Variants in UBE2E2 observed in about 807,000 individuals in gnomAD.
The protein encoded by UBE2E2 is ubiquitin-conjugating enzyme E2 E2.
In UBE2E2, 6 loss-of-function variants were observed where a neutral mutation model predicts 24.7. The ratio of observed to expected loss-of-function variants is 0.24; its 90% CI spans 0.13 to 0.48. The LOEUF (loss-of-function observed/expected upper bound fraction) is 0.48. Among genes scored for constraint, UBE2E2 ranks in the 20% least tolerant of loss-of-function variants. The pLI is 0.99. For synonymous variants in UBE2E2, 104 were observed against 83.6 expected (o/e 1.24, Z -1.33); for missense variants, 169 against 245.0 (o/e 0.69, Z 2.07).
At chr3:23,488,812 A>G (rs1045474091) in intron 3 of UBE2E2, among the ~76,000 whole-genome samples, 1 of 152,184 alleles carries the variant, frequency 6.6e-6, no homozygotes, top group Admixed American at 6.5e-5. Context: ...TTAATTTAAG[A>G]AATATTCTTT....
chr3:23,326,449 A>G (rs968555660), intron 3 of UBE2E2, among the ~76,000 whole-genome samples: 1 of 152,142 alleles, frequency 6.6e-6, no homozygotes, highest in Non-Finnish European at 1.5e-5. Flanking sequence ...TTTTTGAAAA[A>G]TTTCTGAGTT....
intron 3 of UBE2E2, among the ~76,000 whole-genome samples, chr3:23,289,719 A>T (rs142742618): frequency 7.9e-5 from 12 of 152,194 alleles, no homozygotes; most frequent in African/African-American, 2.9e-4. Flanking sequence ...TTTTAAATGC[A>T]TGCTATTTAG....
chr3:23,522,573 C>A (rs1335179807), intron 4 of UBE2E2, among the ~76,000 whole-genome samples: 1 of 152,024 alleles, frequency 6.6e-6, no homozygotes, highest in African/African-American at 2.4e-5. Context: ...TGAACCCCTC[C>A]ACTTTTTTTT....
At chr3:23,526,559 A>C (rs1215509629) in intron 4 of UBE2E2, among the ~76,000 whole-genome samples, 1 of 152,180 alleles carries the variant, frequency 6.6e-6, no homozygotes, top group African/African-American at 2.4e-5. Context: ...TGATTTCATG[A>C]GGAGGTCCTA....
chr3:23,409,237 G>T (rs989741666), intron 3 of UBE2E2, among the ~76,000 whole-genome samples: 1 of 152,126 alleles, frequency 6.6e-6, no homozygotes, highest in African/African-American at 2.4e-5. Flanking sequence ...CATCACTAAA[G>T]CAGAAAAAGC....
chr3:23,241,445 G>A (rs1012577572), intron 3 of UBE2E2, among the ~76,000 whole-genome samples: 1 of 152,156 alleles, frequency 6.6e-6, no homozygotes, highest in Non-Finnish European at 1.5e-5. Flanking sequence ...GCCTTTGAGA[G>A]TGATCAGGGC....
intron 4 of UBE2E2, among the ~76,000 whole-genome samples, chr3:23,531,895 C>T (rs1443460799): frequency 6.6e-6 from 1 of 151,986 alleles, no homozygotes; most frequent in African/African-American, 2.4e-5. Flanking sequence ...AACCCTGTCT[C>T]TACTAAAAAT....
In UBE2E2 at chr3:23,313,926, A is replaced by G. The variant is rs537427367; in HGVS notation, c.227+96614A>G. Reference sequence around the variant, plus strand: ...TTTTAGTTTTTTGTGTATCTTTGGTATGTTTTTAGATTTGAGGTTACCATG... The same window carrying G: ...TTTTAGTTTTTTGTGTATCTTTGGTGTGTTTTTAGATTTGAGGTTACCATG... On this transcript the variant is annotated intron_variant, in intron 3 of 5. Transcript: ENST00000396703. 9.4e-4 allele frequency among the ~76,000 whole-genome samples: 143 copies of G among 152,050 alleles called. 2 individuals carry two copies. Among genetic ancestry groups the G allele is most frequent in the African/African-American group, 3.3e-3 (137 of 41,466 alleles).
chr3:23,453,766 C>G (rs1698617830), intron 3 of UBE2E2, among the ~76,000 whole-genome samples: 1 of 152,146 alleles, frequency 6.6e-6, no homozygotes, highest in South Asian at 2.1e-4. Flanking sequence ...TCTTGTAGAG[C>G]AGTGTATTAC....
intron 3 of UBE2E2, among the ~76,000 whole-genome samples, chr3:23,498,157 C>A (rs1699645573): frequency 6.6e-6 from 1 of 151,944 alleles, no homozygotes; most frequent in African/African-American, 2.4e-5. Flanking sequence ...TGTGTATTCT[C>A]AACACTAGTA....
At chr3:23,388,460 T>C (rs891210709) in intron 3 of UBE2E2, among the ~76,000 whole-genome samples, 1 of 152,242 alleles carries the variant, frequency 6.6e-6, no homozygotes, top group African/African-American at 2.4e-5. Context: ...CCTTATGATA[T>C]CTATTTACAA....
chr3:23,390,379 A>G (rs750428404), intron 3 of UBE2E2, among the ~76,000 whole-genome samples: 16 of 152,262 alleles, frequency 1.1e-4, no homozygotes, highest in Admixed American at 1.3e-4. Flanking sequence ...CTACAGATAG[A>G]TGTGGCTTAA....
chr3:23,229,716 TC>T (rs1346163912), intron 3 of UBE2E2, among the ~76,000 whole-genome samples: 1 of 152,220 alleles, frequency 6.6e-6, no homozygotes, highest in African/African-American at 2.4e-5. Flanking sequence ...AACAGCACTG[TC>T]CCAGTAGGAC....
chr3:23,223,021 C>A (rs897247361), intron 3 of UBE2E2, among the ~76,000 whole-genome samples: 4 of 104,996 alleles, frequency 3.8e-5, no homozygotes, highest in Non-Finnish European at 7.9e-5. Flanking sequence ...TTTGCCCCCC[C>A]CCCCTTTTTT....
chr3:23,348,888 A>G (rs1695640909), intron 3 of UBE2E2, among the ~76,000 whole-genome samples: 1 of 152,182 alleles, frequency 6.6e-6, no homozygotes, highest in Admixed American at 6.5e-5. Flanking sequence ...GTAGTAATGA[A>G]TAAAGGATGA....
intron 3 of UBE2E2, among the ~76,000 whole-genome samples, chr3:23,362,339 G>A (rs1696139916): frequency 6.6e-6 from 1 of 152,186 alleles, no homozygotes; most frequent in South Asian, 2.1e-4. Context: ...ATAGGCTGAA[G>A]CAGAGAGCCC....
At chr3:23,339,661 ATTATG>A (rs199522315) in intron 3 of UBE2E2, among the ~76,000 whole-genome samples, 2,452 of 152,132 alleles carry the variant, frequency 0.016, 67 homozygotes, top group African/African-American at 0.056. Flanking sequence ...TGACTTTATA[ATTATG>A]TTATGTTTAA....
chr3:23,560,181 G>C (rs71322198), intron 5 of UBE2E2, among the ~76,000 whole-genome samples: 3 of 151,314 alleles, frequency 2.0e-5, no homozygotes, highest in African/African-American at 7.3e-5. Context: ...ATTTATATTA[G>C]GTATATCTCC....
At chr3:23,517,400 C>T (rs1412655859) in intron 4 of UBE2E2, among the ~76,000 whole-genome samples, 1 of 152,130 alleles carries the variant, frequency 6.6e-6, no homozygotes, top group Non-Finnish European at 1.5e-5. Context: ...CACATCTCTC[C>T]ATTGACACCT....
Sources: allele counts gnomAD v4.1 joint callset (sites outside exome capture counted in the v4.1 genomes callset), GRCh38; gene constraint gnomAD v4.1.1; transcripts MANE v1.5; gene names NCBI Gene and HGNC (gene_info 2026-07-23, HGNC 2026-07-21).